Variants in GPCPD1 observed in about 807,000 individuals in gnomAD.
GPCPD1 encodes glycerophosphocholine phosphodiesterase GPCPD1.
GPCPD1 carries 29 observed loss-of-function variants against 89.2 expected under a neutral mutation model. That is an observed-to-expected ratio of 0.33 (90% CI 0.24 to 0.44). The LOEUF is 0.44. Among genes scored for constraint, GPCPD1 ranks in the 20% least tolerant of loss-of-function variants. The pLI, the probability that GPCPD1 is intolerant of heterozygous loss-of-function variation, is 1.00. For missense variants in GPCPD1, 594 were observed against 808.9 expected (o/e 0.73, Z 3.22); for synonymous variants, 258 against 266.3 (o/e 0.97, Z 0.30).
At chr20:5,563,830 C>T (rs1248797897) in intron 15 of GPCPD1, among the ~76,000 whole-genome samples, 1 of 152,066 alleles carries the variant, frequency 6.6e-6, no homozygotes, top group Non-Finnish European at 1.5e-5. Context: ...AAATACATAC[C>T]TAAATATTTT....
intron 19 of GPCPD1, chr20:5,549,385 G>A: frequency 3.3e-6 from 4 of 1,218,718 alleles, no homozygotes; most frequent in Non-Finnish European, 4.8e-6. Flanking sequence ...ACAAGGAAAG[G>A]TTAGGACTTC....
intron 19 of GPCPD1, among the ~76,000 whole-genome samples, chr20:5,555,794 C>T (rs917770705): frequency 2.0e-5 from 3 of 152,180 alleles, no homozygotes; most frequent in African/African-American, 7.2e-5. Context: ...ATGGAGGTTG[C>T]AGTGAGCCAA....
intron 19 of GPCPD1, among the ~76,000 whole-genome samples, chr20:5,555,150 T>G (rs1219816361): frequency 6.6e-6 from 1 of 152,204 alleles, no homozygotes; most frequent in Non-Finnish European, 1.5e-5. Flanking sequence ...CTCTGAACAT[T>G]GTTTAAATGA....
At position 5,586,212 on chromosome 20, in the gene GPCPD1, G is replaced by A. The variant is rs761012815; in HGVS notation, c.289C>T (p.Arg97Ter). The change falls in exon 5 of 20, where the codon CGA (arginine) becomes TGA (stop). Residue 97 changes from arginine to a stop codon, truncating the protein, a stop_gained. Transcript: ENST00000379019. LOFTEE classifies it high-confidence loss of function. ...VHKWETHLQP[R>*]SITPLESEII... ...CCCATACCTAAAGGGGTTATTGATC[G>A]TGGTTGTAGATGAGTCTCCCACTTG... The A allele has an allele frequency of 3.2e-6, 5 of 1,578,776 alleles. No individual in the cohort carries two copies. The highest frequency in any genetic ancestry group is 1.1e-5 in the South Asian group (1 of 90,344).
Position 5,578,404 on chromosome 20 carries a change from C to T in GPCPD1, c.681G>A (p.Leu227=). The change falls in exon 8 of 20, where the codon CTG becomes CTA. Residue 227 remains leucine, a synonymous_variant. Transcript: ENST00000379019. ...CTTCGAAAAAATCAAAGATTAGTTC[C>T]AGGTTATCTGGTTCCATCGTCTGTA... The part of the protein sequence containing the change: ...YSIQTMEPDN[L]ELIFDFFEED... 15 of 1,611,434 alleles carry T rather than the reference C, an allele frequency of 9.3e-6. No homozygotes were observed. Among genetic ancestry groups the T allele is most frequent in the Non-Finnish European group, 1.2e-5 (14 of 1,177,520 alleles).
chr20:5,560,928 G>A (rs1986044948), intron 16 of GPCPD1, among the ~76,000 whole-genome samples: 1 of 152,176 alleles, frequency 6.6e-6, no homozygotes, highest in Admixed American at 6.5e-5. Flanking sequence ...GTCCCAGGAA[G>A]ACAAGGCCTT....
intron 10 of GPCPD1, 102 bp downstream of exon 10, chr20:5,575,311 T>C (rs1978286458): frequency 3.6e-6 from 3 of 830,440 alleles, no homozygotes; most frequent in Admixed American, 2.6e-5. Flanking sequence ...ATTCCCTTGG[T>C]AAATAATAAA....
Position 5,575,831 on chromosome 20 carries a change from T to C in GPCPD1, c.853A>G (p.Ile285Val). Reference sequence around the variant, plus strand: ...TCAACCTTACCTCTCACTTTGCCTATTGTTTTCCGGGAATTTCTGCTCATG... The same window carrying C: ...TCAACCTTACCTCTCACTTTGCCTACTGTTTTCCGGGAATTTCTGCTCATG... ...PIMSRNSRKT[I>V]GKVRVDYIII... The change falls in exon 9 of 20, where the codon ATA (isoleucine) becomes GTA (valine). Residue 285 changes from isoleucine (I) to valine (V), a missense_variant. Coordinates refer to ENST00000379019, the MANE Select transcript of GPCPD1 (RefSeq NM_019593.5). 1 of 1,609,876 alleles carries C rather than the reference T, an allele frequency of 6.2e-7. No homozygotes were observed. The highest frequency in any genetic ancestry group is 8.5e-7 in the Non-Finnish European group (1 of 1,177,252).
chr20:5,596,761 T>C (rs1252635355), intron 3 of GPCPD1, among the ~76,000 whole-genome samples: 1 of 152,186 alleles, frequency 6.6e-6, no homozygotes, highest in East Asian at 1.9e-4. Flanking sequence ...GCAGAGCACA[T>C]TAAAATTCCA....
chr20:5,559,208 TAA>T (rs1189628457), intron 17 of GPCPD1, among the ~76,000 whole-genome samples: 1 of 151,370 alleles, frequency 6.6e-6, no homozygotes, highest in East Asian at 1.9e-4. Flanking sequence ...CTCAAATAAA[TAA>T]ATAGATTTAA....
In GPCPD1 at chr20:5,547,445, A is replaced by G. The variant is rs1348081599; in HGVS notation, c.*216T>C. 6.3e-6 allele frequency: 2 copies of G among 317,326 alleles called. No individual in the cohort carries two copies. Among genetic ancestry groups the G allele is most frequent in the African/African-American group, 4.3e-5 (2 of 46,786 alleles). The allele number at this position is 317,326 out of a possible 1,614,324, so 19.7% of individuals were successfully genotyped here. The stretch of plus-strand genomic sequence containing the variant: ...AAAATATTTATATTACTAACCAATA[A>G]ATTTTCTCACTATAAAGAGACTGAC... On this transcript the variant is annotated 3_prime_UTR_variant, in exon 20 of 20. Coordinates refer to ENST00000379019, the MANE Select transcript of GPCPD1 (RefSeq NM_019593.5).
At chr20:5,548,956 T>C (rs531406787) in intron 19 of GPCPD1, 1 of 989,728 alleles carries the variant, frequency 1.0e-6, no homozygotes. Context: ...ACAGAACAGA[T>C]GGGCACTCTG....
chr20:5,586,986 C>A (rs1002253423), intron 4 of GPCPD1, among the ~76,000 whole-genome samples: 3 of 152,110 alleles, frequency 2.0e-5, no homozygotes, highest in Admixed American at 1.3e-4. Flanking sequence ...TGTGACAATT[C>A]CTCATACTGT....
Position 5,553,802 on chromosome 20 carries a change from T to C in GPCPD1, c.1829+4143A>G, listed in dbSNP as rs182989446. On this transcript the variant is annotated intron_variant, in intron 19 of 19. Transcript: ENST00000379019. ...AGGTAAAGAAGCTGCAGAAGAAAAG[T>C]TGGAACCCAACAGAAGTTGGTTCAT... 2.0e-5 allele frequency among the ~76,000 whole-genome samples: 3 copies of C among 152,306 alleles called. No homozygotes were observed. The East Asian group carries it at 5.8e-4, about 29-fold the overall frequency.
chr20:5,604,417 A>G lies in GPCPD1; in HGVS notation c.-5T>C. ...GGCAACCTGAGAAGGTGTCATTCTG[A>G]TGGATTTATTTTATGATGTCGTGCT... On this transcript the variant is annotated 5_prime_UTR_variant, in exon 2 of 20. Transcript: ENST00000379019. 1 of 1,553,682 alleles carries G rather than the reference A, an allele frequency of 6.4e-7. No homozygotes were observed. The highest frequency in any genetic ancestry group is 8.9e-7 in the Non-Finnish European group (1 of 1,129,870).
chr20:5,570,258 T>C lies in GPCPD1; in HGVS notation c.1057-19A>G, dbSNP rs1339904173. The C allele has an allele frequency of 7.4e-7, 1 of 1,347,402 alleles. No individual in the cohort carries two copies. The highest frequency in any genetic ancestry group is 1.2e-5 in the South Asian group (1 of 82,900). The allele number at this position is 1,347,402 out of a possible 1,614,324, so 83.5% of individuals were successfully genotyped here. On this transcript the variant is annotated intron_variant, in intron 11 of 19. Transcript: ENST00000379019. Reference sequence around the variant, plus strand: ...CTGCACCCTGACAGAAGGAAGCAAGTATTTGAAAAACATTGCCTGGTACAC... The same window carrying C: ...CTGCACCCTGACAGAAGGAAGCAAGCATTTGAAAAACATTGCCTGGTACAC...
chr20:5,600,662 T>C (rs893717240), intron 2 of GPCPD1, among the ~76,000 whole-genome samples: 1 of 152,114 alleles, frequency 6.6e-6, no homozygotes, highest in African/African-American at 2.4e-5. Context: ...TGAAACCCCA[T>C]CTCTACTAAA....
chr20:5,580,441 G>T (rs2122690110), intron 6 of GPCPD1, among the ~76,000 whole-genome samples: 1 of 152,098 alleles, frequency 6.6e-6, no homozygotes, highest in Non-Finnish European at 1.5e-5. Flanking sequence ...ATGAAAATAG[G>T]CCGGGCGGGC....
intron 3 of GPCPD1, among the ~76,000 whole-genome samples, chr20:5,597,757 T>A (rs1426968363): frequency 6.6e-6 from 1 of 152,198 alleles, no homozygotes; most frequent in Non-Finnish European, 1.5e-5. Flanking sequence ...CCTACAGACA[T>A]CAGCCGCCCA....
Sources: allele counts gnomAD v4.1 joint callset (sites outside exome capture counted in the v4.1 genomes callset), GRCh38; gene constraint gnomAD v4.1.1; transcripts MANE v1.5; gene names NCBI Gene and HGNC (gene_info 2026-07-23, HGNC 2026-07-21).